C8orf34: variants seen among roughly 807,000 people sequenced by gnomAD.
C8orf34 encodes the protein uncharacterized protein C8orf34.
In C8orf34, 65 loss-of-function variants were observed where a neutral mutation model predicts 68.3. The ratio of observed to expected loss-of-function variants is 0.95; its 90% CI spans 0.78 to 1.17. The LOEUF is 1.17. Among genes scored for constraint, C8orf34 ranks in the 50% most tolerant of loss-of-function variants. C8orf34 has a pLI of 0.00. For missense variants in C8orf34, 664 were observed against 655.4 expected, an observed-to-expected ratio of 1.01 and a Z score of -0.14; for synonymous variants, 244 against 241.2, an observed-to-expected ratio of 1.01 and a Z score of -0.11.
At chr8:68,489,061 T>G (rs748542082) in intron 5 of C8orf34, among the ~76,000 whole-genome samples, 77 of 152,192 alleles carry the variant, frequency 5.1e-4, no homozygotes, top group Admixed American at 7.9e-4. Context: ...ATACTTTTAT[T>G]TTCTAAAACA....
chr8:68,740,811 A>G (rs1184970113), intron 10 of C8orf34, among the ~76,000 whole-genome samples: 1 of 152,202 alleles, frequency 6.6e-6, no homozygotes, highest in African/African-American at 2.4e-5. Context: ...TTACAATAGC[A>G]AAGACATGGA....
chr8:68,685,889 A>G (rs2130891707), intron 8 of C8orf34, among the ~76,000 whole-genome samples: 2 of 149,718 alleles, frequency 1.3e-5, no homozygotes, highest in East Asian at 3.9e-4. Flanking sequence ...TAAATAAATA[A>G]ATAAATAAAT....
intron 12 of C8orf34, among the ~76,000 whole-genome samples, chr8:68,798,672 A>G (rs1824247701): frequency 6.6e-6 from 1 of 152,198 alleles, no homozygotes; most frequent in Non-Finnish European, 1.5e-5. Flanking sequence ...TCATTATAAT[A>G]CTGGTTGTAG....
chr8:68,384,692 C>A (rs1466015200), intron 1 of C8orf34, among the ~76,000 whole-genome samples: 1 of 152,174 alleles, frequency 6.6e-6, no homozygotes, highest in African/African-American at 2.4e-5. Context: ...ACATAAAATG[C>A]TTTGACAAGA....
chr8:68,717,059 A>C (rs907253388), intron 9 of C8orf34, among the ~76,000 whole-genome samples: 1 of 151,878 alleles, frequency 6.6e-6, no homozygotes, highest in Non-Finnish European at 1.5e-5. Context: ...CGTGGTGTGA[A>C]TACTCCCACC....
chr8:68,629,290 T>A (rs924389750), intron 7 of C8orf34, among the ~76,000 whole-genome samples: 4 of 152,176 alleles, frequency 2.6e-5, no homozygotes, highest in African/African-American at 9.6e-5. Context: ...TATCTCAGCA[T>A]GCGTGAAACC....
intron 9 of C8orf34, among the ~76,000 whole-genome samples, chr8:68,718,967 A>ATT (rs1354431072): frequency 6.6e-6 from 1 of 152,170 alleles, no homozygotes; most frequent in Non-Finnish European, 1.5e-5. Context: ...CCACCCATCC[A>ATT]TAGGTGATTT....
chr8:68,444,231 C>T (rs918750573), intron 2 of C8orf34, among the ~76,000 whole-genome samples: 5 of 151,932 alleles, frequency 3.3e-5, no homozygotes, highest in Admixed American at 2.0e-4. Context: ...GTTGCTACTT[C>T]TTTATCTCAT....
chr8:68,625,929 C>T (rs1000355037), intron 7 of C8orf34, among the ~76,000 whole-genome samples: 5 of 152,242 alleles, frequency 3.3e-5, no homozygotes, highest in Non-Finnish European at 7.3e-5. Flanking sequence ...ACAAATGTGA[C>T]TGGTGTAATG....
chr8:68,769,661 T>G (rs770498411), intron 10 of C8orf34, among the ~76,000 whole-genome samples: 26 of 152,330 alleles, frequency 1.7e-4, no homozygotes, highest in Admixed American at 7.2e-4. Context: ...TTTTTCCTAC[T>G]ATTTACAAAC....
chr8:68,643,577 C>T (rs1054463066), intron 8 of C8orf34, among the ~76,000 whole-genome samples: 3 of 152,146 alleles, frequency 2.0e-5, no homozygotes, highest in Middle Eastern at 3.2e-3. Flanking sequence ...TGGGGAGGAC[C>T]TGCTTCCTCA....
In C8orf34 at chr8:68,533,066, A is replaced by G. The variant is rs775451105; in HGVS notation, c.1022A>G (p.Asp341Gly). The G allele has an allele frequency of 1.9e-6, 3 of 1,613,220 alleles. No homozygotes were observed. The highest frequency in any genetic ancestry group is 2.2e-5 in the South Asian group (2 of 91,020). The change falls in exon 7 of 14, where the codon GAT (aspartate) becomes GGT (glycine). Residue 341 changes from aspartate to glycine, a missense_variant. Coordinates refer to ENST00000518698, the MANE Select transcript of C8orf34 (RefSeq NM_052958.4). Reference sequence around the variant, plus strand: ...CTCCTGGCCGCAATGCTCTCTCAAGATTCTTTTGAGTCCATCCACAGCCCT... The same window carrying G: ...CTCCTGGCCGCAATGCTCTCTCAAGGTTCTTTTGAGTCCATCCACAGCCCT... ...KKLLAAMLSQ[D>G]SFESIHSPTP...
intron 1 of C8orf34, among the ~76,000 whole-genome samples, chr8:68,361,544 A>G (rs939007539): frequency 2.0e-5 from 3 of 152,178 alleles, no homozygotes; most frequent in African/African-American, 7.2e-5. Flanking sequence ...ATTAGGGGAA[A>G]ATTCATGTTT....
intron 9 of C8orf34, among the ~76,000 whole-genome samples, chr8:68,714,453 G>A (rs1013567212): frequency 7.9e-5 from 12 of 151,976 alleles, no homozygotes; most frequent in Non-Finnish European, 1.0e-4. Context: ...ATTAATGTAC[G>A]CATATCAGTA....
At chr8:68,451,202 T>G (rs1397258710) in intron 3 of C8orf34, among the ~76,000 whole-genome samples, 1 of 152,084 alleles carries the variant, frequency 6.6e-6, no homozygotes, top group Non-Finnish European at 1.5e-5. Context: ...GTTAGGACCT[T>G]GCTTTGGATT....
intron 12 of C8orf34, chr8:68,790,678 GA>G: frequency 2.3e-6 from 1 of 436,548 alleles, no homozygotes; most frequent in East Asian, 3.4e-5. Context: ...ATTCAAGTGT[GA>G]AAAAACTTGT....
chr8:68,405,824 C>G lies in C8orf34; in HGVS notation c.328-33675C>G, dbSNP rs986561493. Reference sequence around the variant, plus strand: ...AGATGAATAAACTACTTAAAAGGCTCTGTACTATTTTCCTTTATAATGAAA... The same window carrying G: ...AGATGAATAAACTACTTAAAAGGCTGTGTACTATTTTCCTTTATAATGAAA... On this transcript the variant is annotated intron_variant, in intron 1 of 13. Transcript: ENST00000518698. 8.5e-5 allele frequency among the ~76,000 whole-genome samples: 13 copies of G among 152,234 alleles called. No individual in the cohort carries two copies. The East Asian group carries it at 2.3e-3, about 27-fold the overall frequency.
chr8:68,576,740 A>T (rs1218264357), intron 7 of C8orf34, among the ~76,000 whole-genome samples: 1 of 152,032 alleles, frequency 6.6e-6, no homozygotes, highest in East Asian at 1.9e-4. Context: ...TTCTGTGAAA[A>T]TCTGTCAGGT....
At chr8:68,749,828 A>G (rs916731333) in intron 10 of C8orf34, among the ~76,000 whole-genome samples, 3 of 152,194 alleles carry the variant, frequency 2.0e-5, no homozygotes, top group Non-Finnish European at 2.9e-5. Flanking sequence ...GATGAATACT[A>G]GTACTCCCTG....
Sources: gnomAD v4.1 joint callset for allele counts (sites outside exome capture counted in the v4.1 genomes callset) on GRCh38, gnomAD v4.1.1 for gene constraint, MANE v1.5 for transcripts, NCBI Gene and HGNC (gene_info 2026-07-23, HGNC 2026-07-21) for gene names.